The following SCN1A variants were observed in gnomAD, a reference collection of about 807,000 sequenced individuals.
SCN1A encodes sodium voltage-gated channel alpha subunit 1.
In SCN1A, 13 loss-of-function variants were observed where a neutral mutation model predicts 193.7. The observed-to-expected ratio is 0.07, with a 90% CI of 0.04 to 0.11. The LOEUF (loss-of-function observed/expected upper bound fraction) is 0.11, where lower values mean the gene tolerates loss of function less well. SCN1A is among the 10% of genes least tolerant of loss of function. The pLI, the probability that SCN1A is intolerant of heterozygous loss-of-function variation, is 1.00. For missense variants in SCN1A, 1,432 were observed against 2,451.1 expected, an observed-to-expected ratio of 0.58 and a Z score of 8.78; for synonymous variants, 781 against 843.6, an observed-to-expected ratio of 0.93 and a Z score of 1.29.
chr2:166,050,042 T>C (rs1293308438), intron 9 of SCN1A, among the ~76,000 whole-genome samples: 4 of 152,000 alleles, frequency 2.6e-5, no homozygotes, highest in African/African-American at 9.7e-5. Context: ...AGGAAAAATA[T>C]CATTTTTATT....
At chr2:166,100,963 G>T (rs1687990318) in intron 2 of SCN1A, among the ~76,000 whole-genome samples, 2 of 53,786 alleles carry the variant, frequency 3.7e-5, no homozygotes, top group African/African-American at 7.5e-5. Context: ...ATTCCTCAGG[G>T]ATCTAGAACT....
chr2:166,010,817 TAAAAC>T (rs1692345799), intron 22 of SCN1A, among the ~76,000 whole-genome samples: 1 of 151,042 alleles, frequency 6.6e-6, no homozygotes, highest in African/African-American at 2.4e-5. Flanking sequence ...ATTAAAGAAT[TAAAAC>T]AGAACATTGA....
Position 166,012,195 on chromosome 2 carries a change from G to T in SCN1A, c.3793C>A (p.Leu1265Met). Residue 1265 changes from leucine to methionine, a missense_variant, in exon 22 of 29, where the codon CTG (leucine) becomes ATG (methionine). By Grantham distance (15) the Leu-to-Met change is conservative (BLOSUM62 2). Transcript: ENST00000674923. ...ADKVFTYIFI[L>M]EMLLKWVAYG... ...GCCACCCATTTTAGAAGCATTTCCA[G>T]AATGAAAATGTAAGTGAAAACCTTG... The T allele has an allele frequency of 6.2e-7, 1 of 1,609,988 alleles. No homozygotes were observed. The highest frequency in any genetic ancestry group is 8.5e-7 in the Non-Finnish European group (1 of 1,177,114).
At chr2:166,120,052 T>G (rs1278048038) in intron 2 of SCN1A, among the ~76,000 whole-genome samples, 1 of 151,860 alleles carries the variant, frequency 6.6e-6, no homozygotes, top group Non-Finnish European at 1.5e-5. Context: ...AAATTGTGAG[T>G]TATTTCATCA....
At position 165,986,566 on chromosome 2, in the gene SCN1A, T is replaced by TA. The variant is rs1007870875; in HGVS notation, c.*4678dup. ...ACTGCTAGGAAATGAGAATAGTAGT[T>TA]AAAAAACCAGTATATATTGAATTAA... On this transcript the variant is annotated 3_prime_UTR_variant, in exon 29 of 29. Coordinates refer to ENST00000674923, the MANE Select transcript of SCN1A (RefSeq NM_001165963.4). 5 of 152,042 alleles carry TA rather than the reference T, an allele frequency of 3.3e-5. No individual in the cohort carries two copies. The highest frequency in any genetic ancestry group is 9.7e-5 in the African/African-American group (4 of 41,422). The allele number at this position is 152,042 out of a possible 1,614,324, so 9.4% of individuals were successfully genotyped here.
At chr2:166,024,059 A>G (rs1694419577) in intron 19 of SCN1A, among the ~76,000 whole-genome samples, 1 of 152,026 alleles carries the variant, frequency 6.6e-6, no homozygotes, top group African/African-American at 2.4e-5. Context: ...TTACAGTGTG[A>G]GACACCGCGC....
At chr2:166,039,633 T>A (rs2126152) in intron 16 of SCN1A, 37 bp from the exon 17 acceptor site, 1 of 1,562,706 alleles carries the variant, frequency 6.4e-7, no homozygotes, top group Admixed American at 1.7e-5. Flanking sequence ...TTCCACCAGA[T>A]AATAACATAC....
At chr2:166,129,438 T>C (rs1252622425), upstream of SCN1A, among the ~76,000 whole-genome samples, 1 of 152,184 alleles carries the variant, frequency 6.6e-6, no homozygotes. Flanking sequence ...AGAAAGAAAT[T>C]AAGTAAGATA....
intron 22 of SCN1A, among the ~76,000 whole-genome samples, chr2:166,010,635 A>G (rs1018216091): frequency 6.6e-6 from 1 of 151,264 alleles, no homozygotes; most frequent in Non-Finnish European, 1.5e-5. Context: ...GGAAGATTAT[A>G]ACTTATTTGG....
intron 26 of SCN1A, among the ~76,000 whole-genome samples, chr2:165,997,477 C>G (rs1007705704): frequency 6.6e-6 from 1 of 151,098 alleles, no homozygotes; most frequent in African/African-American, 2.4e-5. Flanking sequence ...TTGGGACAAT[C>G]AAATGAGCCT....
chr2:166,101,225 T>C (rs1368717707), intron 2 of SCN1A, among the ~76,000 whole-genome samples: 1 of 151,452 alleles, frequency 6.6e-6, no homozygotes, highest in East Asian at 2.0e-4. Flanking sequence ...TGGATGCAAT[T>C]GGAAATCATC....
chr2:166,063,232 G>A (rs553466980), intron 4 of SCN1A, among the ~76,000 whole-genome samples: 179 of 152,166 alleles, frequency 1.2e-3, no homozygotes, highest in African/African-American at 4.0e-3. Flanking sequence ...CAAAACAAAT[G>A]TTGAAGCATG....
intron 9 of SCN1A, among the ~76,000 whole-genome samples, chr2:166,049,977 G>C (rs937293152): frequency 1.2e-4 from 18 of 151,986 alleles, no homozygotes; most frequent in African/African-American, 4.3e-4. Context: ...TAGATGCTAA[G>C]TTTTCTGAGG....
chr2:166,148,829 A>T (rs2106313555), intron 1 of SCN1A, among the ~76,000 whole-genome samples: 1 of 152,304 alleles, frequency 6.6e-6, no homozygotes, highest in Non-Finnish European at 1.5e-5. Flanking sequence ...TCATTCCTTG[A>T]TGGTTACAGA....
chr2:166,091,076 C>T (rs73026893), intron 2 of SCN1A, among the ~76,000 whole-genome samples: 2,878 of 152,204 alleles, frequency 0.019, 96 homozygotes, highest in African/African-American at 0.066. Context: ...ATAACGATTT[C>T]ATAGGAAAGA....
intron 15 of SCN1A, among the ~76,000 whole-genome samples, chr2:166,041,830 A>G (rs76777310): frequency 0.015 from 2,343 of 152,268 alleles, 67 homozygotes; most frequent in African/African-American, 0.053. Context: ...TACATTGTCA[A>G]CCTCAGACTA....
At chr2:166,091,601 C>G (rs116267911) in intron 2 of SCN1A, among the ~76,000 whole-genome samples, 3,523 of 152,266 alleles carry the variant, frequency 0.023, 64 homozygotes, top group South Asian at 0.074. Flanking sequence ...GCTATATTTG[C>G]AGGCATTACT....
intron 4 of SCN1A, among the ~76,000 whole-genome samples, chr2:166,066,654 C>T (rs1308448791): frequency 6.6e-6 from 1 of 152,140 alleles, no homozygotes; most frequent in Non-Finnish European, 1.5e-5. Flanking sequence ...AACTTCCTAT[C>T]TAAGAAAATG....
chr2:166,039,695 TG>T, intron 16 of SCN1A, 99 bp from the exon 17 acceptor site: 1 of 1,053,924 alleles, frequency 9.5e-7, no homozygotes, highest in East Asian at 2.6e-5. Context: ...TTTCCCACAA[TG>T]ATTCTATTAC....
Sources: allele counts gnomAD v4.1 joint callset (sites outside exome capture counted in the v4.1 genomes callset), GRCh38; gene constraint gnomAD v4.1.1; transcripts MANE v1.5; gene names NCBI Gene and HGNC (gene_info 2026-07-23, HGNC 2026-07-21).